Variants in MAMDC2 observed in about 807,000 individuals in gnomAD.
The protein encoded by MAMDC2 is MAM domain containing 2.
A neutral mutation model predicts 89.8 loss-of-function variants in MAMDC2; 57 were observed. The ratio of observed to expected loss-of-function variants is 0.63; its 90% CI spans 0.51 to 0.79. The LOEUF is 0.79. Ranked by LOEUF, MAMDC2 falls within the 30% of genes least tolerant of loss-of-function variation. MAMDC2 has a pLI of 0.00. For synonymous variants in MAMDC2, 313 were observed against 293.4 expected, an observed-to-expected ratio of 1.07 and a Z score of -0.68; for missense variants, 800 against 820.6, an observed-to-expected ratio of 0.97 and a Z score of 0.31.
chr9:70,195,870 T>C (rs914192056), intron 11 of MAMDC2, among the ~76,000 whole-genome samples: 1 of 152,062 alleles, frequency 6.6e-6, no homozygotes, highest in African/African-American at 2.4e-5. Flanking sequence ...GAAAAAACAA[T>C]TGTATGCTAA....
chr9:70,133,193 T>A (rs1222309717), intron 7 of MAMDC2, among the ~76,000 whole-genome samples: 1 of 152,200 alleles, frequency 6.6e-6, no homozygotes, highest in Non-Finnish European at 1.5e-5. Context: ...TATTCCCTTG[T>A]TTTGTCTATG....
At chr9:70,202,499 G>T (rs2033123092) in intron 11 of MAMDC2, among the ~76,000 whole-genome samples, 2 of 151,384 alleles carry the variant, frequency 1.3e-5, no homozygotes, top group Admixed American at 1.3e-4. Context: ...TGGAATAGGT[G>T]TGGTGTGGTG....
chr9:70,048,590 C>T (rs112108590), intron 2 of MAMDC2, among the ~76,000 whole-genome samples: 64 of 152,320 alleles, frequency 4.2e-4, no homozygotes, highest in Middle Eastern at 3.4e-3. Flanking sequence ...TGAGCCACCG[C>T]GCCCAGCCAG....
intron 2 of MAMDC2, among the ~76,000 whole-genome samples, chr9:70,050,751 T>G (rs1175342565): frequency 6.6e-6 from 1 of 152,150 alleles, no homozygotes; most frequent in Non-Finnish European, 1.5e-5. Context: ...GTGGTTTTCT[T>G]TTGCTTATAG....
At position 70,073,160 on chromosome 9, in the gene MAMDC2, A is replaced by G. The variant is rs1039746274; in HGVS notation, c.148+28463A>G. Among the ~76,000 whole-genome samples the G allele has an allele frequency of 3.9e-5, 6 of 152,218 alleles. No individual in the cohort carries two copies. In the East Asian group the frequency reaches 1.2e-3, roughly 29 times the overall value. The stretch of plus-strand genomic sequence containing the variant: ...ATTATTTCTATTTAAGATGCAACAG[A>G]GATTTGTGTAAGGAAATGACAAATA... On this transcript the variant is annotated intron_variant, in intron 2 of 13. Coordinates refer to ENST00000377182, the MANE Select transcript of MAMDC2 (RefSeq NM_153267.5).
intron 2 of MAMDC2, among the ~76,000 whole-genome samples, chr9:70,052,918 A>C (rs1826944210): frequency 6.6e-6 from 1 of 152,184 alleles, no homozygotes. Context: ...AATGGACAAA[A>C]AGCTCTTGGA....
At chr9:70,131,003 T>C (rs1323227033) in intron 6 of MAMDC2, among the ~76,000 whole-genome samples, 15 of 152,158 alleles carry the variant, frequency 9.9e-5, no homozygotes, top group East Asian at 1.9e-4. Context: ...CAAAATACCA[T>C]AAACTAGGTA....
At position 70,221,380 on chromosome 9, in the gene MAMDC2, T is replaced by TATAGAGAGAGAG; in HGVS notation, c.1911+2785_1911+2786insTAGAGAGAGAGA. ...AAATATATATATATATATATATATA[T>TATAGAGAGAGAG]AGAGAGAGAGAGAGAGAGAGAGAGA... On this transcript the variant is annotated intron_variant, in intron 12 of 13. Transcript: ENST00000377182. Among the ~76,000 whole-genome samples the TATAGAGAGAGAG allele has an allele frequency of 3.4e-3, 24 of 7,044 alleles. 2 individuals are homozygous for TATAGAGAGAGAG. The highest frequency in any genetic ancestry group is 9.8e-3 in the East Asian group (1 of 102). 4.6% of individuals were successfully genotyped at this position (7,044 alleles called of 152,430 possible). A position where few individuals can be genotyped will look rare whatever the true frequency, so the allele number is the denominator to read the frequency against.
At chr9:70,199,088 G>A (rs2033040282) in intron 11 of MAMDC2, among the ~76,000 whole-genome samples, 1 of 149,002 alleles carries the variant, frequency 6.7e-6, no homozygotes, top group Non-Finnish European at 1.5e-5. Context: ...TTAAGTTTTA[G>A]GGTACATGTG....
At chr9:70,107,417 G>A (rs1587476769) in intron 2 of MAMDC2, among the ~76,000 whole-genome samples, 1 of 152,194 alleles carries the variant, frequency 6.6e-6, no homozygotes, top group Non-Finnish European at 1.5e-5. Context: ...AAGAGAGGAG[G>A]AAAAGGAGAA....
intron 12 of MAMDC2, among the ~76,000 whole-genome samples, chr9:70,222,866 C>T (rs1041428843): frequency 6.6e-5 from 10 of 152,060 alleles, no homozygotes; most frequent in Admixed American, 4.6e-4. Flanking sequence ...TGGCAGGGTG[C>T]GGTGGCTTAC....
Position 70,201,890 on chromosome 9 carries a change from G to A in MAMDC2, c.1652-16447G>A, listed in dbSNP as rs1169084743. Among the ~76,000 whole-genome samples the A allele has an allele frequency of 2.0e-3, 276 of 138,114 alleles. 2 individuals are homozygous for A. The highest frequency in any genetic ancestry group is 0.014 in the South Asian group (56 of 4,056). 90.6% of individuals were successfully genotyped at this position (138,114 alleles called of 152,430 possible). A position where few individuals can be genotyped will look rare whatever the true frequency, so the allele number is the denominator to read the frequency against. Reference sequence around the variant, plus strand: ...TGGTAGTTTGTATTTCTGTGGGATCGGTGGTGATATCCCCTTTATCATTTT... The same window carrying A: ...TGGTAGTTTGTATTTCTGTGGGATCAGTGGTGATATCCCCTTTATCATTTT... On this transcript the variant is annotated intron_variant, in intron 11 of 13. Transcript: ENST00000377182.
chr9:70,044,639 G>A lies in MAMDC2; in HGVS notation c.90G>A (p.Glu30=). Residue 30 remains glutamate (E), a synonymous_variant, in exon 2 of 14, where the codon GAG becomes GAA. Transcript: ENST00000377182. ...CCGCTGGGTCCTGTGCCTTTGAAGA[G>A]AGCACTTGCGGCTTTGACTCCGTGT... ...DLPAGSCAFE[E]STCGFDSVLA... is the part of the protein sequence containing the mutation. 1 of 1,551,592 alleles carries A rather than the reference G, an allele frequency of 6.4e-7. No homozygotes were observed. The highest frequency in any genetic ancestry group is 8.7e-7 in the Non-Finnish European group (1 of 1,146,996).
chr9:70,219,616 G>A (rs5019539), intron 12 of MAMDC2, among the ~76,000 whole-genome samples: 7,226 of 152,290 alleles, frequency 0.047, 202 homozygotes, highest in South Asian at 0.073. Context: ...TTGCAGTGCA[G>A]TCAAAGGTGC....
intron 12 of MAMDC2, 71 bp downstream of exon 12, chr9:70,218,667 G>A (rs1587582238): frequency 2.0e-6 from 3 of 1,480,472 alleles, no homozygotes; most frequent in East Asian, 2.3e-5. Context: ...TCTTATTCTT[G>A]CTACCAAAGA....
chr9:70,195,263 C>G (rs866372578), intron 11 of MAMDC2, among the ~76,000 whole-genome samples: 1 of 152,022 alleles, frequency 6.6e-6, no homozygotes, highest in Non-Finnish European at 1.5e-5. Context: ...CAACCAAATC[C>G]AGCCGCACCA....
chr9:70,157,742 T>C (rs554623932), intron 9 of MAMDC2: 1 of 152,304 alleles, frequency 6.6e-6, no homozygotes, highest in East Asian at 1.9e-4. Context: ...CATAAACAAA[T>C]CTGAAAGGCA....
chr9:70,108,104 T>C lies in MAMDC2; in HGVS notation c.149-107T>C, dbSNP rs1828389269. 7 of 1,157,052 alleles carry C rather than the reference T, an allele frequency of 6.0e-6. No homozygotes were observed. In the East Asian group the frequency reaches 1.7e-4, roughly 29 times the overall value. 71.7% of individuals were successfully genotyped at this position (1,157,052 alleles called of 1,614,324 possible). A position where few individuals can be genotyped will look rare whatever the true frequency, so the allele number is the denominator to read the frequency against. ...GGCAACTTTCAGTGGGTTGACAAAA[T>C]ATATCTGCAGGTTTATCTGCCCAGA... On this transcript the variant is annotated intron_variant, in intron 2 of 13. Transcript: ENST00000377182.
At chr9:70,119,185 CAA>C (rs5898117) in intron 5 of MAMDC2, among the ~76,000 whole-genome samples, 18 of 97,972 alleles carry the variant, frequency 1.8e-4, no homozygotes, top group Admixed American at 3.3e-4. Context: ...CATACCTTAG[CAA>C]AAAAAAAAAA....
Sources: gnomAD v4.1 joint callset for allele counts (sites outside exome capture counted in the v4.1 genomes callset) on GRCh38, gnomAD v4.1.1 for gene constraint, MANE v1.5 for transcripts, NCBI Gene and HGNC (gene_info 2026-07-23, HGNC 2026-07-21) for gene names.